The following DHRSX variants were observed in gnomAD, a reference collection of about 807,000 sequenced individuals.
DHRSX encodes the protein polyprenol dehydrogenase.
In DHRSX, 31 loss-of-function variants were observed where a neutral mutation model predicts 34.0. That is an observed-to-expected ratio of 0.91 (90% CI 0.69 to 1.23). The LOEUF (loss-of-function observed/expected upper bound fraction) is 1.23, where lower values mean the gene tolerates loss of function less well. DHRSX is among the 50% of genes most tolerant of loss of function. DHRSX has a pLI of 0.00. For missense variants in DHRSX, 414 were observed against 428.1 expected, an observed-to-expected ratio of 0.97 and a Z score of 0.29; for synonymous variants, 201 against 183.8, an observed-to-expected ratio of 1.09 and a Z score of -0.76.
At chrX:2,360,963 T>C (rs2042926208) in intron 3 of DHRSX, among the ~76,000 whole-genome samples, 1 of 152,080 alleles carries the variant, frequency 6.6e-6, no homozygotes, top group Admixed American at 6.6e-5. Flanking sequence ...AATGAGGAAA[T>C]GGCTTTTCCC....
intron 1 of DHRSX, among the ~76,000 whole-genome samples, chrX:2,459,154 T>C (rs903119639): frequency 2.0e-5 from 3 of 151,948 alleles, no homozygotes; most frequent in Admixed American, 6.6e-5. Flanking sequence ...ATAAATTACA[T>C]TAAAATTAAA....
intron 6 of DHRSX, among the ~76,000 whole-genome samples, chrX:2,224,254 AG>A (rs66705541): frequency 0.87 from 131,615 of 151,810 alleles, 57,584 homozygotes; most frequent in African/African-American, 0.96. Flanking sequence ...GCTGCAGCTT[AG>A]GCCGCTCCTG....
At position 2,386,189 on chromosome X, in the gene DHRSX, T is replaced by G. The variant is rs189510569; in HGVS notation, c.286+22556A>C. 5.7e-3 allele frequency among the ~76,000 whole-genome samples: 867 copies of G among 150,792 alleles called. 10 individuals are homozygous for G. Among genetic ancestry groups the G allele is most frequent in the African/African-American group, 0.02 (841 of 41,138 alleles). ...TTTATTTATTTATTTATTTATTTAT[T>G]TATTTATTTTGTGTGTGAGAGAGAG... On this transcript the variant is annotated intron_variant, in intron 3 of 6. Transcript: ENST00000334651.
intron 3 of DHRSX, among the ~76,000 whole-genome samples, chrX:2,382,630 CCAT>C (rs1462220129): frequency 2.2e-3 from 131 of 60,042 alleles, no homozygotes; most frequent in African/African-American, 8.8e-3. Context: ...ACCATCATCA[CCAT>C]CATCACCATC....
intron 3 of DHRSX, among the ~76,000 whole-genome samples, chrX:2,407,318 A>G (rs1319327726): frequency 2.0e-5 from 3 of 152,166 alleles, no homozygotes; most frequent in South Asian, 2.1e-4. Flanking sequence ...GACACTGAGG[A>G]GGGTGTTTTA....
intron 6 of DHRSX, among the ~76,000 whole-genome samples, chrX:2,223,504 C>T (rs899626441): frequency 3.9e-5 from 6 of 152,108 alleles, no homozygotes; most frequent in Non-Finnish European, 8.8e-5. Context: ...GATGCAGGCG[C>T]CATGGCTTGG....
intron 6 of DHRSX, among the ~76,000 whole-genome samples, chrX:2,240,322 A>G (rs1007900169): frequency 1.3e-5 from 2 of 150,964 alleles, no homozygotes; most frequent in Non-Finnish European, 3.0e-5. Flanking sequence ...AAAGAAAAAA[A>G]GAAATTCCTT....
In DHRSX at chrX:2,500,869, C is replaced by T. The variant is rs1281015634; in HGVS notation, c.57G>A (p.Ala19=). ...GCCGCAGCAGCTGCGCCAGGATCAC[C>T]GCGGCGCCTACCGCGTAGACCCGCA... ...AALRVYAVGA[A]VILAQLLRRC... is the part of the protein sequence containing the mutation. The change falls in exon 1 of 7, where the codon GCG becomes GCA. Residue 19 remains alanine (A), a synonymous_variant. Coordinates refer to ENST00000334651, the MANE Select transcript of DHRSX (RefSeq NM_145177.3). 1.7e-6 allele frequency: 2 copies of T among 1,160,410 alleles called. No homozygotes were observed. The highest frequency in any genetic ancestry group is 4.7e-5 in the East Asian group (1 of 21,504). The allele number at this position is 1,160,410 out of a possible 1,614,324, so 71.9% of individuals were successfully genotyped here.
At chrX:2,348,571 T>C (rs1273121821) in intron 3 of DHRSX, among the ~76,000 whole-genome samples, 1 of 152,018 alleles carries the variant, frequency 6.6e-6, no homozygotes, top group Non-Finnish European at 1.5e-5. Flanking sequence ...GCAGCAACCA[T>C]ACAGGAAGAA....
At chrX:2,362,005 GTAACA>G (rs1249670842) in intron 3 of DHRSX, among the ~76,000 whole-genome samples, 8 of 152,094 alleles carry the variant, frequency 5.3e-5, no homozygotes, top group Non-Finnish European at 1.2e-4. Flanking sequence ...TATACAACAC[GTAACA>G]CAGTGACATT....
Position 2,376,257 on chromosome X carries a change from G to A in DHRSX, c.286+32488C>T, listed in dbSNP as rs951818441. On this transcript the variant is annotated intron_variant, in intron 3 of 6. Transcript: ENST00000334651. ...TTGTAGATGGCAAGAGTGCATGTGT[G>A]CGTGTGTGTATGTGTCTGAGTGTGC... Among the ~76,000 whole-genome samples, 32 of 137,654 alleles carry A rather than the reference G, an allele frequency of 2.3e-4. 4 individuals carry two copies. Among genetic ancestry groups the A allele is most frequent in the Non-Finnish European group, 1.2e-4 (7 of 58,302 alleles). 90.3% of individuals were successfully genotyped at this position (137,654 alleles called of 152,430 possible).
chrX:2,435,172 C>T (rs909168080), intron 1 of DHRSX, among the ~76,000 whole-genome samples: 4 of 151,946 alleles, frequency 2.6e-5, no homozygotes, highest in African/African-American at 9.7e-5. Context: ...GAGAGAGAAA[C>T]AGGAGGGGTT....
intron 5 of DHRSX, among the ~76,000 whole-genome samples, chrX:2,253,314 G>A (rs865974361): frequency 6.2e-5 from 8 of 129,556 alleles, no homozygotes; most frequent in African/African-American, 2.4e-4. Context: ...CCTGGGAGGT[G>A]GACATGGCCT....
chrX:2,416,342 C>G (rs2043692983), intron 2 of DHRSX, among the ~76,000 whole-genome samples: 2 of 152,284 alleles, frequency 1.3e-5, no homozygotes, highest in Non-Finnish European at 2.9e-5. Context: ...TATAACCCAA[C>G]TAGACCTCAT....
chrX:2,246,754 G>GAAAGAAAGAA (rs2016306990), intron 5 of DHRSX, among the ~76,000 whole-genome samples: 7 of 136,950 alleles, frequency 5.1e-5, no homozygotes, highest in African/African-American at 1.9e-4. Context: ...GAAAGAAAAA[G>GAAAGAAAGAA]AAAGAAAATA....
chrX:2,479,535 C>T (rs1295483684), intron 1 of DHRSX, among the ~76,000 whole-genome samples: 1 of 150,822 alleles, frequency 6.6e-6, no homozygotes, highest in Non-Finnish European at 1.5e-5. Flanking sequence ...GACCAGGGGA[C>T]CGCCACATGT....
intron 6 of DHRSX, among the ~76,000 whole-genome samples, chrX:2,242,663 G>A (rs1326885479): frequency 1.3e-5 from 2 of 152,066 alleles, no homozygotes; most frequent in Admixed American, 6.6e-5. Context: ...TCCGGCTGTC[G>A]TGACGGCTAC....
intron 3 of DHRSX, among the ~76,000 whole-genome samples, chrX:2,387,146 C>T (rs2043281740): frequency 6.6e-6 from 1 of 152,026 alleles, no homozygotes; most frequent in South Asian, 2.1e-4. Context: ...GAATTGTCAC[C>T]CTGCCCACAT....
chrX:2,293,703 T>A (rs181851599), intron 3 of DHRSX, among the ~76,000 whole-genome samples: 119 of 152,204 alleles, frequency 7.8e-4, no homozygotes, highest in African/African-American at 2.7e-3. Context: ...GTGGTCAGTG[T>A]CATTTACAGC....
Sources: allele counts gnomAD v4.1 joint callset (sites outside exome capture counted in the v4.1 genomes callset), GRCh38; gene constraint gnomAD v4.1.1; transcripts MANE v1.5; gene names NCBI Gene and HGNC (gene_info 2026-07-23, HGNC 2026-07-21).